The following PRRC2B variants were observed in gnomAD, a reference collection of about 807,000 sequenced individuals.
PRRC2B encodes protein PRRC2B.
In PRRC2B, 68 loss-of-function variants were observed where a neutral mutation model predicts 242.3. The observed-to-expected ratio is 0.28, with a 90% CI of 0.23 to 0.34. The LOEUF (loss-of-function observed/expected upper bound fraction) is 0.34. PRRC2B is among the 10% of genes least tolerant of loss of function. The pLI is 1.00. For synonymous variants in PRRC2B, 1,228 were observed against 1,173.6 expected (o/e 1.05, Z -0.95); for missense variants, 2,835 against 2,954.8 (o/e 0.96, Z 0.94).
chr9:131,448,158 TTTTAA>T (rs983251014), intron 9 of PRRC2B: 81 of 180,378 alleles, frequency 4.5e-4, no homozygotes, highest in African/African-American at 1.8e-3. Flanking sequence ...TTTTTGTTTG[TTTTAA>T]TTTAATTTTT....
intron 1 of PRRC2B, among the ~76,000 whole-genome samples, chr9:131,429,241 C>G (rs1838059032): frequency 6.6e-6 from 1 of 152,022 alleles, no homozygotes; most frequent in Admixed American, 6.5e-5. Flanking sequence ...ACCACCACGC[C>G]CAGCCAGGCG....
chr9:131,428,197 G>A (rs907717185), intron 1 of PRRC2B, among the ~76,000 whole-genome samples: 2 of 151,990 alleles, frequency 1.3e-5, no homozygotes, highest in African/African-American at 4.8e-5. Flanking sequence ...TGGGATTATA[G>A]GCGTGAGCCA....
At chr9:131,432,058 T>TG (rs1838194337) in intron 2 of PRRC2B, among the ~76,000 whole-genome samples, 4 of 152,290 alleles carry the variant, frequency 2.6e-5, no homozygotes, top group African/African-American at 7.2e-5. Context: ...CCTCCCAAAG[T>TG]GCTGCAATTA....
At position 131,436,666 on chromosome 9, in the gene PRRC2B, G is replaced by A; in HGVS notation, c.340G>A (p.Gly114Ser). ...GCCGCCGGAGTCGCTGCCGCAGCCG[G>A]GTTTGCAGAAATCTGTCTCCAATTT... The part of the protein sequence containing the change: ...SQPPESLPQP[G>S]LQKSVSNLQK... The change falls in exon 4 of 32, where the codon GGT (glycine) becomes AGT (serine). Residue 114 changes from glycine (G) to serine (S), a missense_variant. This residue lies in a region of PRRC2B where 626 missense variants were observed against 685.5 expected (regional missense o/e 0.91). Transcript: ENST00000683519. 1 of 1,613,998 alleles carries A rather than the reference G, an allele frequency of 6.2e-7. No homozygotes were observed. Among genetic ancestry groups the A allele is most frequent in the Non-Finnish European group, 8.5e-7 (1 of 1,179,894 alleles).
intron 10 of PRRC2B, among the ~76,000 whole-genome samples, chr9:131,457,924 G>A (rs1003007433): frequency 2.0e-5 from 3 of 152,050 alleles, no homozygotes; most frequent in Admixed American, 1.3e-4. Flanking sequence ...CGCCACGTAC[G>A]TGTGTGGGTA....
At chr9:131,485,925 T>C (rs977092451) in intron 25 of PRRC2B, among the ~76,000 whole-genome samples, 160 bp from the exon 26 acceptor site, 4 of 152,150 alleles carry the variant, frequency 2.6e-5, no homozygotes, top group African/African-American at 9.7e-5. Context: ...AGCAGGCGTG[T>C]GCTTCCGGCA....
At chr9:131,427,985 A>G (rs1298757717) in intron 1 of PRRC2B, among the ~76,000 whole-genome samples, 1 of 152,064 alleles carries the variant, frequency 6.6e-6, no homozygotes, top group Non-Finnish European at 1.5e-5. Context: ...GCAATGGCAC[A>G]ATCTCGGCTC....
chr9:131,420,470 T>TTTCTTTCTTTCTTTCC (rs1837786244), intron 1 of PRRC2B, among the ~76,000 whole-genome samples: 1 of 12,298 alleles, frequency 8.1e-5, no homozygotes, highest in African/African-American at 1.7e-4. Context: ...TCTTTCTTTC[T>TTTCTTTCTTTCTTTCC]TTCTTTCTTT....
intron 19 of PRRC2B, among the ~76,000 whole-genome samples, chr9:131,480,080 C>G (rs953217750): frequency 1.3e-5 from 2 of 152,082 alleles, no homozygotes; most frequent in Admixed American, 6.5e-5. Context: ...CATGGACATT[C>G]GATATTTCAC....
At chr9:131,421,364 C>T (rs1352602876) in intron 1 of PRRC2B, among the ~76,000 whole-genome samples, 1 of 152,186 alleles carries the variant, frequency 6.6e-6, no homozygotes, top group Non-Finnish European at 1.5e-5. Context: ...GAAAGATAGA[C>T]TTCTTTCATC....
At chr9:131,396,905 A>G (rs868733818) in intron 1 of PRRC2B, among the ~76,000 whole-genome samples, 4 of 152,158 alleles carry the variant, frequency 2.6e-5, no homozygotes, top group African/African-American at 9.7e-5. Flanking sequence ...TTGGCTGAAC[A>G]TGTTAGCTTG....
At chr9:131,454,413 G>A (rs964738937) in intron 9 of PRRC2B, among the ~76,000 whole-genome samples, 1 of 152,080 alleles carries the variant, frequency 6.6e-6, no homozygotes, top group Non-Finnish European at 1.5e-5. Context: ...CATCCTCTTG[G>A]GCCTTGAAAT....
chr9:131,398,402 T>G (rs2131279447), intron 1 of PRRC2B, among the ~76,000 whole-genome samples: 1 of 152,234 alleles, frequency 6.6e-6, no homozygotes, highest in Middle Eastern at 3.2e-3. Context: ...AGCACTGATT[T>G]GTGAAGCATT....
At position 131,420,470 on chromosome 9, in the gene PRRC2B, TTTC is replaced by T. The variant is rs1564278531; in HGVS notation, c.-51-9621_-51-9619del. On this transcript the variant is annotated intron_variant, in intron 1 of 31. Transcript: ENST00000683519. ...CTTTTTCTTTTTCTTTCTTTCTTTC[TTTC>T]TTTCTTTCTTTCTTTCTTTCTTTTT... Among the ~76,000 whole-genome samples, 17 of 12,298 alleles carry T rather than the reference TTTC, an allele frequency of 1.4e-3. 5 individuals are homozygous for T. The highest frequency in any genetic ancestry group is 2.7e-3 in the African/African-American group (16 of 5,894). 8.1% of individuals were successfully genotyped at this position (12,298 alleles called of 152,430 possible). A position where few individuals can be genotyped will look rare whatever the true frequency, so the allele number is the denominator to read the frequency against.
intron 15 of PRRC2B, 38 bp downstream of exon 15, chr9:131,473,762 G>A: frequency 1.3e-6 from 2 of 1,551,000 alleles, no homozygotes; most frequent in Non-Finnish European, 1.8e-6. Flanking sequence ...TGCCACTGAA[G>A]GAGGACTCCA....
At chr9:131,479,198 A>G in intron 18 of PRRC2B, 54 bp from the exon 19 acceptor site, 1 of 1,582,872 alleles carries the variant, frequency 6.3e-7, no homozygotes, top group South Asian at 1.1e-5. Flanking sequence ...CCTGGGGAGA[A>G]TTTGTCAGTC....
intron 5 of PRRC2B, among the ~76,000 whole-genome samples, chr9:131,439,832 C>T (rs1270951772): frequency 1.3e-5 from 2 of 151,952 alleles, no homozygotes; most frequent in African/African-American, 4.8e-5. Flanking sequence ...CTCCCGGGCT[C>T]AAGCAATCCT....
chr9:131,399,780 A>G (rs1028887736), intron 1 of PRRC2B, among the ~76,000 whole-genome samples: 6 of 152,252 alleles, frequency 3.9e-5, no homozygotes, highest in African/African-American at 1.4e-4. Flanking sequence ...TTAATGTTAT[A>G]GTGTATTCCT....
rs148139352 is a variant in PRRC2B at position 131,494,681 on chromosome 9, G to C, written c.6555+195G>C. On this transcript the variant is annotated intron_variant, in intron 31 of 31. Transcript: ENST00000683519. This position sits in a 1 kb window ranked among gnomAD's most constrained non-coding sequence, Gnocchi z 4.3. Reference sequence around the variant, plus strand: ...GAAGGCATTTCTCCTCTTGACGGGCGTCTGGATCCTTCCTTGTCCTGCAGA... The same window carrying C: ...GAAGGCATTTCTCCTCTTGACGGGCCTCTGGATCCTTCCTTGTCCTGCAGA... 5.3e-5 allele frequency among the ~76,000 whole-genome samples: 8 copies of C among 152,332 alleles called. No individual in the cohort carries two copies. Among genetic ancestry groups the C allele is most frequent in the Admixed American group, 3.3e-4 (5 of 15,310 alleles).
Sources: allele counts gnomAD v4.1 joint callset (sites outside exome capture counted in the v4.1 genomes callset), GRCh38; gene constraint gnomAD v4.1.1; regional missense constraint gnomAD v4.1.1; non-coding constraint Gnocchi (gnomAD v3.1); transcripts MANE v1.5; gene names NCBI Gene and HGNC (gene_info 2026-07-23, HGNC 2026-07-21).